The following RPS6KA2 variants were observed in gnomAD, a reference collection of about 807,000 sequenced individuals.
RPS6KA2 encodes ribosomal protein S6 kinase alpha-2.
A neutral mutation model predicts 91.8 loss-of-function variants in RPS6KA2; 42 were observed. The ratio of observed to expected loss-of-function variants is 0.46; its 90% CI spans 0.36 to 0.59. RPS6KA2 has a LOEUF of 0.59. RPS6KA2 is among the 20% of genes least tolerant of loss of function. RPS6KA2 has a pLI of 0.00. For synonymous variants in RPS6KA2, 414 were observed against 393.6 expected (o/e 1.05, Z -0.61); for missense variants, 798 against 978.5 (o/e 0.82, Z 2.46).
intron 2 of RPS6KA2, among the ~76,000 whole-genome samples, chr6:166,671,811 G>A (rs1402782582): frequency 6.6e-6 from 1 of 152,128 alleles, no homozygotes; most frequent in Non-Finnish European, 1.5e-5. Context: ...CTGGCCAGTG[G>A]GCTGGCCAGA....
At chr6:166,420,069 C>T (rs868691274) in intron 17 of RPS6KA2, 111 bp from the exon 18 acceptor site, 136 of 984,352 alleles carry the variant, frequency 1.4e-4, no homozygotes, top group Middle Eastern at 8.5e-4. Flanking sequence ...AGGAGGAGGG[C>T]GGTGCCATGT....
At chr6:166,731,715 G>T (rs538327737) in intron 2 of RPS6KA2, among the ~76,000 whole-genome samples, 12,340 of 151,802 alleles carry the variant, frequency 0.081, 1,661 homozygotes, top group African/African-American at 0.28. Flanking sequence ...GAGGTTAGCC[G>T]CAATGCTTCT....
At chr6:166,750,459 C>T (rs573516586) in intron 2 of RPS6KA2, among the ~76,000 whole-genome samples, 12 of 152,340 alleles carry the variant, frequency 7.9e-5, no homozygotes, top group East Asian at 5.8e-4. Context: ...CACGCCTTTC[C>T]GGGGCCTGTA....
At chr6:166,756,646 G>A (rs941945355) in intron 2 of RPS6KA2, among the ~76,000 whole-genome samples, 25 of 152,200 alleles carry the variant, frequency 1.6e-4, no homozygotes, top group Admixed American at 1.5e-3. Flanking sequence ...TCAGGAGTTC[G>A]AGACCAACCT....
intron 2 of RPS6KA2, among the ~76,000 whole-genome samples, chr6:166,690,966 ATAAT>A (rs369137534): frequency 5.3e-4 from 80 of 152,354 alleles, no homozygotes; most frequent in African/African-American, 1.4e-3. Flanking sequence ...CATTAAATAA[ATAAT>A]TAATGTGATC....
intron 2 of RPS6KA2, among the ~76,000 whole-genome samples, chr6:166,814,291 A>C (rs932900553): frequency 5.3e-5 from 8 of 152,262 alleles, no homozygotes; most frequent in African/African-American, 9.6e-5. Context: ...TTTAAAAATC[A>C]TATGAGTTCT....
chr6:166,744,627 A>AC (rs1189646735), intron 2 of RPS6KA2, among the ~76,000 whole-genome samples: 1 of 151,816 alleles, frequency 6.6e-6, no homozygotes, highest in Non-Finnish European at 1.5e-5. Context: ...AGGCCCAGAC[A>AC]CCCCCGAGGG....
intron 2 of RPS6KA2, among the ~76,000 whole-genome samples, chr6:166,829,997 G>A (rs967344333): frequency 6.6e-6 from 1 of 151,512 alleles, no homozygotes; most frequent in Non-Finnish European, 1.5e-5. Flanking sequence ...GTAGTGGTGG[G>A]CGCCTGTAAT....
Position 166,464,261 on chromosome 6 carries a change from G to A in RPS6KA2, c.973-4710C>T, listed in dbSNP as rs73790222. Among the ~76,000 whole-genome samples the A allele has an allele frequency of 7.7e-3, 1,172 of 152,232 alleles. 14 individuals carry two copies. Among genetic ancestry groups the A allele is most frequent in the African/African-American group, 0.027 (1,110 of 41,524 alleles). ...GCCAAGTTCAGGGCACACCCCACGC[G>A]CTGCCAGATCACCGAGCGACCTCAA... On this transcript the variant is annotated intron_variant, in intron 11 of 20. Transcript: ENST00000265678.
Position 166,849,295 on chromosome 6 carries a change from C to G in RPS6KA2, c.123+8905G>C, listed in dbSNP as rs2128631824. Among the ~76,000 whole-genome samples, 1 of 152,342 alleles carries G rather than the reference C, an allele frequency of 6.6e-6. No homozygotes were observed. The highest frequency in any genetic ancestry group is 1.9e-4 in the East Asian group (1 of 5,186). ...TGCCCCATGCCTCTGCTGGTATGGC[C>G]CACGCAGAGCACTCCCTGTCACCCT... is the stretch of plus-strand genomic sequence containing the variant. On this transcript the variant is annotated intron_variant, in intron 2 of 21. Transcript: ENST00000503859. The surrounding 1 kb of genome is among the most constrained non-coding windows in gnomAD (Gnocchi z 4.9).
intron 14 of RPS6KA2, chr6:166,439,978 G>C (rs1475021243): frequency 6.6e-6 from 1 of 152,284 alleles, no homozygotes; most frequent in East Asian, 1.9e-4. Flanking sequence ...CGGGCACCCA[G>C]CCTGGCCACC....
chr6:166,682,651 G>A (rs1012430453), intron 2 of RPS6KA2, among the ~76,000 whole-genome samples: 1 of 152,168 alleles, frequency 6.6e-6, no homozygotes. Context: ...GGAGTGTGGA[G>A]ATAAACACTA....
At chr6:166,614,691 C>T (rs1278674870) in intron 1 of RPS6KA2, among the ~76,000 whole-genome samples, 2 of 152,188 alleles carry the variant, frequency 1.3e-5, no homozygotes, top group Non-Finnish European at 2.9e-5. Context: ...GTTGGCAAGG[C>T]CGGTCCCTCC....
intron 2 of RPS6KA2, among the ~76,000 whole-genome samples, chr6:166,698,169 G>A (rs1295618352): frequency 6.6e-6 from 1 of 152,180 alleles, no homozygotes; most frequent in East Asian, 1.9e-4. Flanking sequence ...AATCCGACAA[G>A]AGAAAGGACT....
At chr6:166,568,858 A>C in intron 1 of RPS6KA2, among the ~76,000 whole-genome samples, 1 of 152,124 alleles carries the variant, frequency 6.6e-6, no homozygotes, top group Non-Finnish European at 1.5e-5. Context: ...GCAAATCACA[A>C]GTGCGTTTTG....
At chr6:166,535,928 G>A (rs1399874845) in intron 2 of RPS6KA2, among the ~76,000 whole-genome samples, 1 of 152,238 alleles carries the variant, frequency 6.6e-6, no homozygotes, top group Admixed American at 6.5e-5. Context: ...TTCTCCCACA[G>A]GAACAAGCTT....
In RPS6KA2 at chr6:166,557,635, A is replaced by G. The variant is rs1784214824; in HGVS notation, c.100-18851T>C. On this transcript the variant is annotated intron_variant, in intron 1 of 20. Coordinates refer to ENST00000265678, the MANE Select transcript of RPS6KA2 (RefSeq NM_021135.6). The surrounding 1 kb of genome is among the most constrained non-coding windows in gnomAD (Gnocchi z 4.8). Reference sequence around the variant, plus strand: ...AAAAAATGTTTTAATGAAGTATTATACCACATAATAGATATATAGAAAAGT... The same window carrying G: ...AAAAAATGTTTTAATGAAGTATTATGCCACATAATAGATATATAGAAAAGT... 6.6e-6 allele frequency among the ~76,000 whole-genome samples: 1 copy of G among 152,244 alleles called. No homozygotes were observed. The highest frequency in any genetic ancestry group is 1.5e-5 in the Non-Finnish European group (1 of 68,050).
At chr6:166,727,399 G>C (rs1011411070) in intron 2 of RPS6KA2, among the ~76,000 whole-genome samples, 1 of 151,926 alleles carries the variant, frequency 6.6e-6, no homozygotes, top group Non-Finnish European at 1.5e-5. Context: ...CTGAGGTTTG[G>C]AAGATGGGTC....
At chr6:166,685,871 C>T (rs1354369440) in intron 2 of RPS6KA2, among the ~76,000 whole-genome samples, 1 of 152,176 alleles carries the variant, frequency 6.6e-6, no homozygotes, top group Non-Finnish European at 1.5e-5. Flanking sequence ...ATCTACATCA[C>T]TGCTTTTAAC....
Sources: gnomAD v4.1 joint callset for allele counts (sites outside exome capture counted in the v4.1 genomes callset) on GRCh38, gnomAD v4.1.1 for gene constraint, Gnocchi (gnomAD v3.1) non-coding constraint, MANE v1.5 for transcripts, NCBI Gene and HGNC (gene_info 2026-07-23, HGNC 2026-07-21) for gene names.